Variants in DMGDH observed in about 807,000 individuals in gnomAD.
The protein encoded by DMGDH is dimethylglycine dehydrogenase.
In DMGDH, 76 loss-of-function variants were observed where a neutral mutation model predicts 95.2. The observed-to-expected ratio is 0.80, with a 90% CI of 0.66 to 0.97. The LOEUF (loss-of-function observed/expected upper bound fraction) is 0.97. DMGDH is among the 50% of genes least tolerant of loss of function. The pLI is 0.00. For synonymous variants in DMGDH, 345 were observed against 377.6 expected (o/e 0.91, Z 1.00); for missense variants, 987 against 1,055.0 (o/e 0.94, Z 0.89).
intron 2 of DMGDH, among the ~76,000 whole-genome samples, chr5:79,059,506 G>A (rs1459504549): frequency 2.6e-5 from 4 of 152,174 alleles, no homozygotes; most frequent in African/African-American, 9.7e-5. Flanking sequence ...TAGTTGGAAG[G>A]TATTGCATTT....
In DMGDH at chr5:79,042,270, T is replaced by G; in HGVS notation, c.1193+13A>C. ...ATTCTACAATAAATGTTGAATTACA[T>G]GAAGATACTTACCCAAAGCCTATAG... is the stretch of plus-strand genomic sequence containing the variant. On this transcript the variant is annotated intron_variant, in intron 7 of 15. Transcript: ENST00000255189. The G allele has an allele frequency of 6.2e-7, 1 of 1,611,620 alleles. No homozygotes were observed. The highest frequency in any genetic ancestry group is 8.5e-7 in the Non-Finnish European group (1 of 1,177,706).
chr5:79,028,751 G>T, intron 11 of DMGDH, 101 bp from the exon 12 acceptor site: 1 of 1,306,516 alleles, frequency 7.7e-7, no homozygotes, highest in Non-Finnish European at 1.1e-6. Context: ...AGAGTTATCA[G>T]AAAGTCCCCA....
intron 15 of DMGDH, chr5:79,000,957 T>A: frequency 2.9e-6 from 2 of 682,134 alleles, no homozygotes; most frequent in Non-Finnish European, 5.3e-6. Flanking sequence ...CAGCATCACT[T>A]GCAAGCAAAG....
intron 14 of DMGDH, among the ~76,000 whole-genome samples, chr5:79,012,839 C>A (rs1178938919): frequency 6.6e-6 from 1 of 152,246 alleles, no homozygotes; most frequent in African/African-American, 2.4e-5. Flanking sequence ...CCATGCAAGG[C>A]AGTGGGGCCT....
chr5:79,044,580 T>G (rs1478473969), intron 5 of DMGDH, 28 bp from the exon 6 acceptor site: 1 of 1,612,626 alleles, frequency 6.2e-7, no homozygotes, highest in Non-Finnish European at 8.5e-7. Context: ...TTTAAAAGTG[T>G]CAGCCCATAT....
intron 5 of DMGDH, among the ~76,000 whole-genome samples, chr5:79,049,176 T>G (rs1365959644): frequency 1.3e-5 from 2 of 152,174 alleles, no homozygotes; most frequent in Non-Finnish European, 2.9e-5. Context: ...AGAGAAAGCT[T>G]CATCTGGTAA....
At position 79,038,439 on chromosome 5, in the gene DMGDH, G is replaced by A. The variant is rs575125339; in HGVS notation, c.1193+3844C>T. ...GTGGAGGTTGCAGTCAGACAAGATC[G>A]TGCCATTCCCTGGGCAGCAGAGTAA... On this transcript the variant is annotated intron_variant, in intron 7 of 15. Transcript: ENST00000255189. 7.9e-5 allele frequency among the ~76,000 whole-genome samples: 12 copies of A among 152,224 alleles called. No individual in the cohort carries two copies. The Middle Eastern group carries it at 0.02, about 259-fold the overall frequency.
intron 5 of DMGDH, among the ~76,000 whole-genome samples, chr5:79,046,544 T>A (rs1754680104): frequency 6.6e-6 from 1 of 152,280 alleles, no homozygotes; most frequent in East Asian, 1.9e-4. Context: ...CATATCACCA[T>A]GCCTGGCTAA....
chr5:79,021,436 T>G (rs1753864252), intron 14 of DMGDH: 2 of 1,204,144 alleles, frequency 1.7e-6, no homozygotes, highest in Admixed American at 3.3e-5. Context: ...GAATGATACA[T>G]GTGTATCAAC....
At position 79,005,503 on chromosome 5, in the gene DMGDH, A is replaced by G. The variant is rs41272264; in HGVS notation, c.2251-96T>C. 0.076 allele frequency: 114,756 copies of G among 1,501,208 alleles called. 4,564 individuals carry two copies. The highest frequency in any genetic ancestry group is 0.08 in the Non-Finnish European group (87,193 of 1,093,322). 93.0% of individuals were successfully genotyped at this position (1,501,208 alleles called of 1,614,324 possible). The stretch of plus-strand genomic sequence containing the variant: ...TTAAATTTGTCTTTCCTATTTTCTC[A>G]CCAATTACACATTAAATAAAAATAC... On this transcript the variant is annotated intron_variant, in intron 14 of 15. Coordinates refer to ENST00000255189, the MANE Select transcript of DMGDH (RefSeq NM_013391.3).
At chr5:79,008,939 T>C (rs961133618) in intron 14 of DMGDH, among the ~76,000 whole-genome samples, 1 of 152,222 alleles carries the variant, frequency 6.6e-6, no homozygotes, top group Non-Finnish European at 1.5e-5. Context: ...CCCCAGTTTA[T>C]GAAAGACTAA....
intron 2 of DMGDH, among the ~76,000 whole-genome samples, chr5:79,056,619 C>T (rs984164181): frequency 2.7e-5 from 4 of 149,670 alleles, no homozygotes; most frequent in East Asian, 2.0e-4. Context: ...TTTGGGAGGC[C>T]GAGGTGGGTG....
intron 14 of DMGDH, among the ~76,000 whole-genome samples, chr5:79,022,767 G>A (rs542611875): frequency 8.5e-5 from 13 of 152,124 alleles, no homozygotes; most frequent in Admixed American, 2.0e-4. Flanking sequence ...CAATACGAAG[G>A]GATTATTTAT....
Position 79,069,596 on chromosome 5 carries a change from G to A in DMGDH, c.25C>T (p.Leu9=). ...CAGCTCCGCAGCAGGAGGCCCCGCA[G>A]CAGCTGCGCGCCGGGACGGAGCATG... MLRPGAQL[L]RGLLLRSCPL... is the part of the protein sequence containing the mutation. Residue 9 remains leucine, a synonymous_variant, in exon 1 of 16, where the codon CTG becomes TTG. Coordinates refer to ENST00000255189, the MANE Select transcript of DMGDH (RefSeq NM_013391.3). 1 of 1,367,824 alleles carries A rather than the reference G, an allele frequency of 7.3e-7. No individual in the cohort carries two copies. The highest frequency in any genetic ancestry group is 3.1e-5 in the East Asian group (1 of 32,670). The allele number at this position is 1,367,824 out of a possible 1,614,324, so 84.7% of individuals were successfully genotyped here.
chr5:79,045,674 T>C (rs1303742361), intron 5 of DMGDH, among the ~76,000 whole-genome samples: 1 of 152,228 alleles, frequency 6.6e-6, no homozygotes, highest in Non-Finnish European at 1.5e-5. Flanking sequence ...GGAGTTCTAT[T>C]TGCTTGTTTG....
At chr5:79,021,809 T>G in intron 14 of DMGDH, 2 of 985,218 alleles carry the variant, frequency 2.0e-6, no homozygotes, top group South Asian at 2.8e-5. Context: ...TCAAGTCTGA[T>G]AAGCCCACTG....
intron 8 of DMGDH, 57 bp from the exon 9 acceptor site, chr5:79,032,897 A>G: frequency 6.3e-7 from 1 of 1,598,182 alleles, no homozygotes; most frequent in Non-Finnish European, 8.6e-7. Flanking sequence ...CAAGATACTT[A>G]CATGGGATTC....
In DMGDH at chr5:78,998,259, G is replaced by C; in HGVS notation, c.2424C>G (p.Ser808Arg). 1 of 1,614,084 alleles carries C rather than the reference G, an allele frequency of 6.2e-7. No individual in the cohort carries two copies. The highest frequency in any genetic ancestry group is 1.6e-4 in the Middle Eastern group (1 of 6,062). Residue 808 changes from serine (S) to arginine (R), a missense_variant, in exon 16 of 16, where the codon AGC (serine) becomes AGG (arginine). By Grantham distance (110) the Ser-to-Arg change is moderately radical. Coordinates refer to ENST00000255189, the MANE Select transcript of DMGDH (RefSeq NM_013391.3). ...GNTTSGSYSY[S>R]IQKSLAFAYV... is the part of the protein sequence containing the mutation. ...ATGCGAAAGCCAGACTCTTCTGGAT[G>C]CTGTAGCTATAGCTTCCAGATGTCG...
chr5:79,058,401 T>C (rs894693386), intron 2 of DMGDH, among the ~76,000 whole-genome samples: 3 of 152,252 alleles, frequency 2.0e-5, no homozygotes, highest in South Asian at 2.1e-4. Flanking sequence ...TTTAATCTTC[T>C]GTGACTTCAA....
Sources: gnomAD v4.1 joint callset for allele counts (sites outside exome capture counted in the v4.1 genomes callset) on GRCh38, gnomAD v4.1.1 for gene constraint, MANE v1.5 for transcripts, NCBI Gene and HGNC (gene_info 2026-07-23, HGNC 2026-07-21) for gene names.